NF1: variants seen among roughly 807,000 people sequenced by gnomAD.
NF1 encodes the protein neurofibromin 1, also known as neurofibromin.
In NF1, 122 loss-of-function variants were observed where a neutral mutation model predicts 325.7. That is an observed-to-expected ratio of 0.37 (90% confidence interval 0.32 to 0.44). The LOEUF is 0.44. Ranked by LOEUF, NF1 falls within the 20% of genes least tolerant of loss-of-function variation. The pLI is 1.00. For missense variants in NF1, 2,140 were observed against 3,415.4 expected, an observed-to-expected ratio of 0.63 and a Z score of 9.31; for synonymous variants, 1,091 against 1,186.0, an observed-to-expected ratio of 0.92 and a Z score of 1.65.
chr17:31,153,453 G>A (rs1035480356), intron 1 of NF1, among the ~76,000 whole-genome samples: 1 of 152,128 alleles, frequency 6.6e-6, no homozygotes, highest in East Asian at 1.9e-4. Context: ...TCATTCATCT[G>A]CAAATTGCAA....
At chr17:31,322,917 C>CAT (rs2069247813) in intron 36 of NF1, among the ~76,000 whole-genome samples, 1 of 152,138 alleles carries the variant, frequency 6.6e-6, no homozygotes, top group Non-Finnish European at 1.5e-5. Flanking sequence ...CTTATCAGGT[C>CAT]ATACCTAGAC....
chr17:31,310,954 T>C (rs2068857489), intron 36 of NF1, among the ~76,000 whole-genome samples: 1 of 151,632 alleles, frequency 6.6e-6, no homozygotes, highest in African/African-American at 2.4e-5. Context: ...TTTTTTTTTT[T>C]TTTCCGTTTG....
intron 1 of NF1, among the ~76,000 whole-genome samples, chr17:31,141,405 A>G (rs904427980): frequency 1.3e-5 from 2 of 151,968 alleles, no homozygotes; most frequent in Non-Finnish European, 1.5e-5. Context: ...TAAAAGAAAT[A>G]TTCTTCCTTT....
At chr17:31,126,588 C>T (rs967027480) in intron 1 of NF1, among the ~76,000 whole-genome samples, 11 of 151,926 alleles carry the variant, frequency 7.2e-5, no homozygotes, top group African/African-American at 1.9e-4. Flanking sequence ...ACTACAGGTA[C>T]GCGCCACTGT....
rs761676110 is a variant in NF1 at position 31,327,607 on chromosome 17, C to T, written c.5377C>T (p.Leu1793=). 1 of 1,614,138 alleles carries T rather than the reference C, an allele frequency of 6.2e-7. No individual in the cohort carries two copies. Among genetic ancestry groups the T allele is most frequent in the Non-Finnish European group, 8.5e-7 (1 of 1,180,012 alleles). ...TGCTTCGGAAATTGAAGAAATCTGCCTAGTAGATGAGAACCAGTTCACCTT... is the reference window on the plus strand; with the variant it reads ...TGCTTCGGAAATTGAAGAAATCTGCTTAGTAGATGAGAACCAGTTCACCTT... ...YYASEIEEIC[L]VDENQFTLTI... Residue 1793 remains leucine, a synonymous_variant, in exon 38 of 58, where the codon CTA becomes TTA. Coordinates refer to ENST00000358273, the MANE Select transcript of NF1 (RefSeq NM_001042492.3).
chr17:31,125,137 A>G (rs1464481699), intron 1 of NF1, among the ~76,000 whole-genome samples: 1 of 151,760 alleles, frequency 6.6e-6, no homozygotes, highest in Non-Finnish European at 1.5e-5. Flanking sequence ...TCTTTTCTTT[A>G]TGTCTCCATG....
intron 1 of NF1, chr17:31,138,407 G>A (rs1915941851): frequency 6.6e-6 from 1 of 151,872 alleles, no homozygotes; most frequent in Non-Finnish European, 1.5e-5. Flanking sequence ...AGGATTACAG[G>A]TGCCTACTAC....
At chr17:31,115,988 T>G (rs1056108943) in intron 1 of NF1, among the ~76,000 whole-genome samples, 14 of 152,216 alleles carry the variant, frequency 9.2e-5, no homozygotes, top group African/African-American at 3.1e-4. Flanking sequence ...GTAATAATTA[T>G]CTGACCAAGA....
At chr17:31,253,196 G>C (rs2067524260) in intron 31 of NF1, 196 bp downstream of exon 31, 1 of 556,186 alleles carries the variant, frequency 1.8e-6, no homozygotes. Context: ...GTGTTCCTTT[G>C]GTTTGATTTA....
chr17:31,168,714 T>C (rs1021031273), intron 4 of NF1, among the ~76,000 whole-genome samples: 1 of 152,172 alleles, frequency 6.6e-6, no homozygotes, highest in Non-Finnish European at 1.5e-5. Flanking sequence ...CATGTCCTAT[T>C]ATTGACTTTT....
At chr17:31,224,035 C>T (rs377276972) in intron 16 of NF1, among the ~76,000 whole-genome samples, 22 of 151,984 alleles carry the variant, frequency 1.4e-4, no homozygotes, top group Non-Finnish European at 5.9e-5. Flanking sequence ...TCTGAGAAAT[C>T]GTAAAGACCT....
At chr17:31,149,822 G>A (rs113238891) in intron 1 of NF1, among the ~76,000 whole-genome samples, 20 of 152,224 alleles carry the variant, frequency 1.3e-4, no homozygotes, top group African/African-American at 4.6e-4. Context: ...GGGCACTGTG[G>A]GAAGCTCTTG....
intron 36 of NF1, chr17:31,305,316 A>G: frequency 6.2e-7 from 1 of 1,614,212 alleles, no homozygotes; most frequent in Middle Eastern, 1.6e-4. Context: ...GTGGTTGTCC[A>G]GCAGAAGTAT....
chr17:31,336,367 T>G lies in NF1; in HGVS notation c.6041T>G (p.Phe2014Cys), dbSNP rs1000572454. Residue 2014 changes from phenylalanine (F) to cysteine (C), a missense_variant, in exon 41 of 58, where the codon TTC (phenylalanine) becomes TGC (cysteine). By Grantham distance (205) the Phe-to-Cys change is radical. Transcript: ENST00000358273. This position sits in a 1 kb window ranked among gnomAD's most constrained non-coding sequence, Gnocchi z 5.5. ...CTGCTTGATGTTGTACTAGACAGTTTCATCAAAACCAGTGCAACAGGTGGC... is the reference window on the plus strand; with the variant it reads ...CTGCTTGATGTTGTACTAGACAGTTGCATCAAAACCAGTGCAACAGGTGGC... ...TDLLDVVLDS[F>C]IKTSATGGLG... 1 of 1,613,990 alleles carries G rather than the reference T, an allele frequency of 6.2e-7. No individual in the cohort carries two copies. The highest frequency in any genetic ancestry group is 8.5e-7 in the Non-Finnish European group (1 of 1,179,984).
intron 31 of NF1, chr17:31,253,244 A>G: frequency 4.4e-6 from 2 of 458,800 alleles, no homozygotes; most frequent in Non-Finnish European, 8.0e-6. Context: ...TGCATTGGAT[A>G]TCCTTGGTCT....
intron 2 of NF1, 75 bp downstream of exon 2, chr17:31,156,201 T>C (rs2143629105): frequency 6.5e-7 from 1 of 1,531,450 alleles, no homozygotes. Flanking sequence ...GAACAGCATA[T>C]TTTGAAGTAT....
chr17:31,145,205 CATTTT>C (rs1171435610), intron 1 of NF1, among the ~76,000 whole-genome samples: 1 of 152,098 alleles, frequency 6.6e-6, no homozygotes, highest in African/African-American at 2.4e-5. Context: ...TTCATTCATT[CATTTT>C]GAGACAGGGT....
intron 8 of NF1, among the ~76,000 whole-genome samples, chr17:31,193,481 C>T (rs992355280): frequency 6.6e-6 from 1 of 152,080 alleles, no homozygotes; most frequent in Non-Finnish European, 1.5e-5. Flanking sequence ...CTTGAATGTA[C>T]CATATTTTAA....
intron 1 of NF1, among the ~76,000 whole-genome samples, chr17:31,134,670 G>C (rs114747866): frequency 6.6e-6 from 1 of 152,326 alleles, no homozygotes; most frequent in African/African-American, 2.4e-5. Flanking sequence ...TAGAGCATTT[G>C]CTTCCAAGTA....
Sources: gnomAD v4.1 joint callset for allele counts (sites outside exome capture counted in the v4.1 genomes callset) on GRCh38, gnomAD v4.1.1 for gene constraint, Gnocchi (gnomAD v3.1) non-coding constraint, MANE v1.5 for transcripts, NCBI Gene and HGNC (gene_info 2026-07-23, HGNC 2026-07-21) for gene names.